The following NRXN1 variants were observed in gnomAD, a reference collection of about 807,000 sequenced individuals.
NRXN1 encodes neurexin 1, also known as neurexin-1.
In NRXN1, 39 loss-of-function variants were observed where a neutral mutation model predicts 150.9. That is an observed-to-expected ratio of 0.26 (90% confidence interval 0.20 to 0.34). The LOEUF is 0.34. Among genes scored for constraint, NRXN1 ranks in the 10% least tolerant of loss-of-function variants. NRXN1 has a pLI of 1.00. For synonymous variants in NRXN1, 924 were observed against 757.0 expected, an observed-to-expected ratio of 1.22 and a Z score of -3.62; for missense variants, 1,815 against 1,949.9, an observed-to-expected ratio of 0.93 and a Z score of 1.30.
intron 17 of NRXN1, among the ~76,000 whole-genome samples, chr2:50,448,951 A>C (rs774784738): frequency 3.9e-5 from 6 of 152,196 alleles, no homozygotes; most frequent in African/African-American, 7.2e-5. Context: ...GGAAAGCTGG[A>C]TATTTATTTT....
At chr2:50,159,071 CT>C (rs1274585060) in intron 18 of NRXN1, among the ~76,000 whole-genome samples, 12 of 149,878 alleles carry the variant, frequency 8.0e-5, no homozygotes, top group Non-Finnish European at 1.6e-4. Flanking sequence ...GAATGAAAGT[CT>C]CTTTGTTGTT....
intron 5 of NRXN1, among the ~76,000 whole-genome samples, chr2:50,838,326 A>G (rs1364916741): frequency 1.3e-5 from 2 of 152,154 alleles, no homozygotes; most frequent in African/African-American, 4.8e-5. Flanking sequence ...TTGAGAGAAC[A>G]GAGAGATGGT....
At chr2:50,150,615 G>A (rs1236824945) in intron 18 of NRXN1, among the ~76,000 whole-genome samples, 3 of 151,698 alleles carry the variant, frequency 2.0e-5, no homozygotes, top group Non-Finnish European at 4.4e-5. Context: ...AAGATAACAG[G>A]TTTTGTAGAA....
intron 18 of NRXN1, among the ~76,000 whole-genome samples, chr2:50,136,674 C>A (rs1462649624): frequency 6.6e-6 from 1 of 152,172 alleles, no homozygotes; most frequent in African/African-American, 2.4e-5. Context: ...AGGTCTCTGT[C>A]CTAATCAGGC....
intron 2 of NRXN1, among the ~76,000 whole-genome samples, chr2:51,002,159 C>T (rs972892447): frequency 2.6e-5 from 4 of 151,930 alleles, no homozygotes; most frequent in South Asian, 2.1e-4. Flanking sequence ...TCAAGTAAAA[C>T]GTATATGAAA....
At chr2:50,857,818 T>TAA (rs72265957) in intron 5 of NRXN1, among the ~76,000 whole-genome samples, 18 of 151,716 alleles carry the variant, frequency 1.2e-4, no homozygotes, top group Non-Finnish European at 2.2e-4. Context: ...CAAAATAGAT[T>TAA]AAAAAAAACA....
chr2:50,551,646 G>C (rs1380226457), intron 9 of NRXN1, among the ~76,000 whole-genome samples: 1 of 152,266 alleles, frequency 6.6e-6, no homozygotes, highest in East Asian at 1.9e-4. Flanking sequence ...TCTATTATAA[G>C]ATCATTTGAT....
intron 21 of NRXN1, among the ~76,000 whole-genome samples, chr2:49,987,562 CT>C (rs1363352605): frequency 6.6e-6 from 1 of 152,052 alleles, no homozygotes; most frequent in African/African-American, 2.4e-5. Flanking sequence ...CACAGTGTAC[CT>C]CAACATGTAA....
chr2:50,399,407 A>T, intron 17 of NRXN1, among the ~76,000 whole-genome samples: 1 of 152,098 alleles, frequency 6.6e-6, no homozygotes, highest in East Asian at 1.9e-4. Context: ...TCCTGAGTTC[A>T]TGAGGAAGGA....
chr2:49,932,515 C>T (rs1435339120), intron 22 of NRXN1, among the ~76,000 whole-genome samples: 2 of 152,058 alleles, frequency 1.3e-5, no homozygotes, highest in Non-Finnish European at 2.9e-5. Context: ...CCTTTCCTTT[C>T]CTTCCTCCTT....
chr2:50,966,717 G>T (rs867619302), intron 2 of NRXN1, among the ~76,000 whole-genome samples: 4 of 151,888 alleles, frequency 2.6e-5, no homozygotes, highest in Middle Eastern at 3.4e-3. Context: ...ATGTTGTATG[G>T]GTAGATTGGC....
chr2:50,159,668 G>A (rs752979545), intron 18 of NRXN1, among the ~76,000 whole-genome samples: 16 of 152,126 alleles, frequency 1.1e-4, no homozygotes, highest in Non-Finnish European at 2.1e-4. Context: ...ATTCAAAGAT[G>A]CAACCTTGTC....
rs1707837151 is a variant in NRXN1 at position 50,145,282 on chromosome 2, C to G, written c.3547-53788G>C. 2.7e-5 allele frequency among the ~76,000 whole-genome samples: 4 copies of G among 145,662 alleles called. No individual in the cohort carries two copies. In the South Asian group the frequency reaches 8.7e-4, roughly 32 times the overall value. ...TTCTCAATTTATTTAATTTTTTTCT[C>G]TCTCTGTCCACACAAATACACACAC... is the stretch of plus-strand genomic sequence containing the variant. On this transcript the variant is annotated intron_variant, in intron 18 of 22. Transcript: ENST00000401669.
chr2:50,743,367 A>G (rs899532348), intron 5 of NRXN1, among the ~76,000 whole-genome samples: 2 of 152,204 alleles, frequency 1.3e-5, no homozygotes, highest in Non-Finnish European at 2.9e-5. Context: ...TGAGGGTGGC[A>G]AACTAAATAC....
At chr2:50,678,561 C>T (rs750856301) in intron 5 of NRXN1, among the ~76,000 whole-genome samples, 4 of 152,130 alleles carry the variant, frequency 2.6e-5, no homozygotes, top group Non-Finnish European at 5.9e-5. Context: ...ATTGGAAAAA[C>T]CTCATTTTCA....
chr2:50,536,807 C>T (rs1034524597), intron 10 of NRXN1, among the ~76,000 whole-genome samples: 1 of 152,030 alleles, frequency 6.6e-6, no homozygotes, highest in Non-Finnish European at 1.5e-5. Flanking sequence ...AAGCAAAATG[C>T]AAAGAGGAAA....
intron 5 of NRXN1, among the ~76,000 whole-genome samples, chr2:50,884,556 A>C (rs962654265): frequency 1.3e-5 from 2 of 151,734 alleles, no homozygotes; most frequent in Admixed American, 1.3e-4. Context: ...TCATGTATTC[A>C]TGTTTTGCGG....
chr2:50,887,901 T>C (rs1482702851), intron 5 of NRXN1, among the ~76,000 whole-genome samples: 3 of 150,882 alleles, frequency 2.0e-5, no homozygotes, highest in Non-Finnish European at 3.0e-5. Context: ...TACCAAATTG[T>C]AAAATAGTTA....
intron 5 of NRXN1, among the ~76,000 whole-genome samples, chr2:50,819,562 G>C (rs556287092): frequency 1.3e-5 from 2 of 152,124 alleles, no homozygotes; most frequent in Admixed American, 6.6e-5. Flanking sequence ...TCAATGGGTA[G>C]AGAGTTTCAG....
Sources: allele counts gnomAD v4.1 joint callset (sites outside exome capture counted in the v4.1 genomes callset), GRCh38; gene constraint gnomAD v4.1.1; transcripts MANE v1.5; gene names NCBI Gene and HGNC (gene_info 2026-07-23, HGNC 2026-07-21).